Variants in DPF3 observed in about 807,000 individuals in gnomAD.
The protein encoded by DPF3 is zinc finger protein DPF3.
In DPF3, 18 loss-of-function variants were observed where a neutral mutation model predicts 56.8. That is an observed-to-expected ratio of 0.32 (90% CI 0.22 to 0.47). The LOEUF (loss-of-function observed/expected upper bound fraction) is 0.47. DPF3 is among the 20% of genes least tolerant of loss of function. The pLI, the probability that DPF3 is intolerant of heterozygous loss-of-function variation, is 1.00. For synonymous variants in DPF3, 188 were observed against 180.2 expected (o/e 1.04, Z -0.35); for missense variants, 403 against 488.8 (o/e 0.82, Z 1.65).
intron 1 of DPF3, among the ~76,000 whole-genome samples, chr14:72,864,628 G>A (rs1000807260): frequency 9.2e-5 from 14 of 152,342 alleles, no homozygotes; most frequent in South Asian, 6.2e-4. Flanking sequence ...TCTCTACCCC[G>A]GCCCTGTGCA....
rs540000571 is a variant in DPF3, at chr14:72,630,600, C to T, written c.872-864G>A. Among the ~76,000 whole-genome samples the T allele has an allele frequency of 4.6e-5, 7 of 152,272 alleles. No individual in the cohort carries two copies. The East Asian group carries it at 7.7e-4, about 17-fold the overall frequency. On this transcript the variant is annotated intron_variant, in intron 8 of 10. Coordinates refer to ENST00000556509, the MANE Select transcript of DPF3 (RefSeq NM_001280542.3). ...AAGAGAGATGCTTGCAGGGAGAGGA[C>T]GGCCATGAACTGTAGAATGCAAAGA...
rs1883797770 is a variant in DPF3 at position 72,612,565 on chromosome 14, A to C, written c.*6732T>G. 1 of 490,438 alleles carries C rather than the reference A, an allele frequency of 2.0e-6. No individual in the cohort carries two copies. The highest frequency in any genetic ancestry group is 3.9e-6 in the Non-Finnish European group (1 of 253,494). 30.4% of individuals were successfully genotyped at this position (490,438 alleles called of 1,614,324 possible). The stretch of plus-strand genomic sequence containing the variant: ...TCCACCCCACTCCTTAGCATCTATC[A>C]CGGCAGAGGGAAGGGAGGAAACAGT... On this transcript the variant is annotated 3_prime_UTR_variant, in exon 11 of 11. Transcript: ENST00000556509.
At chr14:72,855,700 C>A (rs1247667640) in intron 1 of DPF3, among the ~76,000 whole-genome samples, 1 of 152,026 alleles carries the variant, frequency 6.6e-6, no homozygotes, top group African/African-American at 2.4e-5. Flanking sequence ...TCCCACTGGC[C>A]AAGGGGATGG....
intron 1 of DPF3, among the ~76,000 whole-genome samples, chr14:72,822,315 T>G (rs1460320544): frequency 6.6e-6 from 1 of 152,082 alleles, no homozygotes; most frequent in African/African-American, 2.4e-5. Flanking sequence ...TGGAAGCCAG[T>G]GGAGGTTGTG....
chr14:72,675,920 A>T (rs974181351), intron 7 of DPF3: 16 of 152,214 alleles, frequency 1.1e-4, no homozygotes, highest in African/African-American at 3.9e-4. Context: ...TGCTTTTGCA[A>T]ATAATCTCCA....
chr14:72,864,300 T>C (rs1345963851), intron 1 of DPF3, among the ~76,000 whole-genome samples: 2 of 152,036 alleles, frequency 1.3e-5, no homozygotes, highest in African/African-American at 2.4e-5. Flanking sequence ...TGAAGCCACC[T>C]CTCGCACCCC....
rs148925835 is a variant in DPF3, at chr14:72,815,990, T to G, written c.33-44097A>C. Among the ~76,000 whole-genome samples, 1,138 of 152,296 alleles carry G rather than the reference T, an allele frequency of 7.5e-3. 6 individuals are homozygous for G. The highest frequency in any genetic ancestry group is 0.012 in the Non-Finnish European group (843 of 68,020). On this transcript the variant is annotated intron_variant, in intron 1 of 10. Coordinates refer to ENST00000556509, the MANE Select transcript of DPF3 (RefSeq NM_001280542.3). The stretch of plus-strand genomic sequence containing the variant: ...AGTTCCATATTTCCAGGGTGTGTAA[T>G]GTAACATTTCGAAGATAAGGAAACT...
At chr14:72,818,898 G>A (rs1330435946) in intron 1 of DPF3, among the ~76,000 whole-genome samples, 1 of 151,370 alleles carries the variant, frequency 6.6e-6, no homozygotes, top group Non-Finnish European at 1.5e-5. Context: ...TATGTACATA[G>A]TATAGTCATA....
intron 1 of DPF3, among the ~76,000 whole-genome samples, chr14:72,865,427 G>A (rs1175584306): frequency 6.6e-6 from 1 of 152,264 alleles, no homozygotes; most frequent in Non-Finnish European, 1.5e-5. Context: ...GCCTTCTGAA[G>A]AAGTGGCTTT....
At chr14:72,792,850 TC>T (rs1892497956) in intron 1 of DPF3, among the ~76,000 whole-genome samples, 2 of 151,864 alleles carry the variant, frequency 1.3e-5, no homozygotes, top group South Asian at 4.2e-4. Flanking sequence ...CTGCTGCTTC[TC>T]CAGGGGAATG....
At chr14:72,765,453 A>G (rs1891240264) in intron 2 of DPF3, among the ~76,000 whole-genome samples, 1 of 152,248 alleles carries the variant, frequency 6.6e-6, no homozygotes, top group Non-Finnish European at 1.5e-5. Context: ...AAACTTGTAC[A>G]CAAATGTTCA....
chr14:72,850,596 G>T (rs1314865349), intron 1 of DPF3, among the ~76,000 whole-genome samples: 3 of 152,196 alleles, frequency 2.0e-5, no homozygotes, highest in Non-Finnish European at 4.4e-5. Context: ...AATGCCTTGG[G>T]CATGCCAGAG....
At chr14:72,808,192 G>GGA (rs963608023) in intron 1 of DPF3, among the ~76,000 whole-genome samples, 1 of 152,144 alleles carries the variant, frequency 6.6e-6, no homozygotes, top group Non-Finnish European at 1.5e-5. Flanking sequence ...AGAGAGAAAT[G>GGA]GAGTAAGGGT....
intron 7 of DPF3, among the ~76,000 whole-genome samples, chr14:72,688,270 AGTGG>A (rs1225688362): frequency 2.6e-3 from 87 of 33,056 alleles, no homozygotes; most frequent in Middle Eastern, 0.024. Context: ...TGGGTGGATG[AGTGG>A]GTGGGTGGGT....
intron 1 of DPF3, among the ~76,000 whole-genome samples, chr14:72,796,301 A>G (rs1892644169): frequency 1.3e-5 from 2 of 152,184 alleles, no homozygotes; most frequent in Admixed American, 1.3e-4. Flanking sequence ...CAGGAGTTTG[A>G]GACCAGCCTG....
intron 1 of DPF3, among the ~76,000 whole-genome samples, chr14:72,779,379 C>T (rs955601212): frequency 6.6e-6 from 1 of 152,192 alleles, no homozygotes; most frequent in Non-Finnish European, 1.5e-5. Context: ...CTACTCTTAC[C>T]CATCCTGACA....
intron 1 of DPF3, among the ~76,000 whole-genome samples, chr14:72,889,696 A>C (rs1413934330): frequency 1.3e-5 from 2 of 152,212 alleles, no homozygotes; most frequent in Non-Finnish European, 2.9e-5. Flanking sequence ...GAATACACTA[A>C]TACAGGTCAT....
intron 4 of DPF3, 163 bp from the exon 5 acceptor site, chr14:72,723,891 T>C: frequency 1.6e-6 from 1 of 634,420 alleles, no homozygotes; most frequent in Non-Finnish European, 2.6e-6. Context: ...TGTCTGGAGT[T>C]TGAACTCTTG....
chr14:72,612,607 G>T lies in DPF3; in HGVS notation c.*6690C>A, dbSNP rs933804939. 9 of 518,926 alleles carry T rather than the reference G, an allele frequency of 1.7e-5. No homozygotes were observed. Among genetic ancestry groups the T allele is most frequent in the African/African-American group, 9.6e-5 (5 of 52,034 alleles). 32.1% of individuals were successfully genotyped at this position (518,926 alleles called of 1,614,324 possible). On this transcript the variant is annotated 3_prime_UTR_variant, in exon 11 of 11. Transcript: ENST00000556509. ...GGAAACAGTGCAGGGAAGGGAGAGG[G>T]CAGGAGGAGAATCAGGGTCTCAGTG...
Sources: allele counts gnomAD v4.1 joint callset (sites outside exome capture counted in the v4.1 genomes callset), GRCh38; gene constraint gnomAD v4.1.1; transcripts MANE v1.5; gene names NCBI Gene and HGNC (gene_info 2026-07-23, HGNC 2026-07-21).